Variants in TTC21A observed in about 807,000 individuals in gnomAD.
TTC21A encodes tetratricopeptide repeat domain 21A, also known as tetratricopeptide repeat protein 21A.
In TTC21A, 128 loss-of-function variants were observed where a neutral mutation model predicts 156.4. The observed-to-expected ratio is 0.82, with a 90% confidence interval of 0.71 to 0.95. The LOEUF (loss-of-function observed/expected upper bound fraction) is 0.95, where lower values mean the gene tolerates loss of function less well. Ranked by LOEUF, TTC21A falls within the 40% of genes least tolerant of loss-of-function variation. TTC21A has a pLI of 0.00. For missense variants in TTC21A, 1,435 were observed against 1,602.3 expected (o/e 0.90, Z 1.78); for synonymous variants, 587 against 617.1 (o/e 0.95, Z 0.72).
In TTC21A at chr3:39,129,167, G is replaced by C; in HGVS notation, c.1992G>C (p.Leu664=). 1 of 1,614,234 alleles carries C rather than the reference G, an allele frequency of 6.2e-7. No individual in the cohort carries two copies. The highest frequency in any genetic ancestry group is 8.5e-7 in the Non-Finnish European group (1 of 1,180,050). The part of the protein sequence containing the change: ...RITIANVDLV[L]SKGNVDVALN... ...CCATTGCCAACGTGGACTTGGTCCT[G>C]AGCAAGGGCAATGTGGACGTGGCGC... Residue 664 remains leucine, a synonymous_variant, in exon 15 of 29, where the codon CTG becomes CTC. Transcript: ENST00000683103.
At chr3:39,125,014 G>T in intron 9 of TTC21A, 49 bp from the exon 10 acceptor site, 1 of 1,216,950 alleles carries the variant, frequency 8.2e-7, no homozygotes, top group Non-Finnish European at 1.2e-6. Flanking sequence ...ATGGGCTGCT[G>T]GCTATGCTTC....
chr3:39,138,649 G>A, intron 28 of TTC21A, 26 bp downstream of exon 28: 1 of 1,614,046 alleles, frequency 6.2e-7, no homozygotes, highest in South Asian at 1.1e-5. Context: ...TGGTGGGGAG[G>A]GCCTGGTGTA....
In TTC21A at chr3:39,138,711, G is replaced by A. The variant is rs756766165; in HGVS notation, c.3865G>A (p.Val1289Ile). 2 of 1,614,094 alleles carry A rather than the reference G, an allele frequency of 1.2e-6. No individual in the cohort carries two copies. Among genetic ancestry groups the A allele is most frequent in the South Asian group, 1.1e-5 (1 of 91,078 alleles). ...FVEAIEICND[V>I]LREHPDYPKI... ...CACACCCATTCTCTCTCTGTTCCAG[G>A]TCCTCAGGGAGCACCCCGACTACCC... Residue 1289 changes from valine (V) to isoleucine (I), a missense_variant and splice_region_variant, in exon 29 of 29, where the codon GTC becomes ATC. Physicochemically the swap from Val to Ile is conservative, Grantham distance 29. Transcript: ENST00000683103.
Position 39,129,125 on chromosome 3 carries a change from A to G in TTC21A, c.1950A>G (p.Pro650=). The G allele has an allele frequency of 1.2e-6, 2 of 1,614,256 alleles. No homozygotes were observed. Among genetic ancestry groups the G allele is most frequent in the Non-Finnish European group, 1.7e-6 (2 of 1,180,046 alleles). Residue 650 remains proline (P), a synonymous_variant, in exon 15 of 29, where the codon CCA becomes CCG. Transcript: ENST00000683103. ...QDTINEFGGT[P]EENRITIANV... ...CCATCAATGAGTTCGGTGGCACACC[A>G]GAAGAGAACCGCATCACCATTGCCA... is the stretch of plus-strand genomic sequence containing the variant.
chr3:39,112,006 C>T (rs2036872768), intron 4 of TTC21A, among the ~76,000 whole-genome samples: 1 of 152,204 alleles, frequency 6.6e-6, no homozygotes, highest in African/African-American at 2.4e-5. Context: ...CATTCCTTGG[C>T]TTCCTATGCA....
At chr3:39,124,647 A>G (rs1447265734) in intron 9 of TTC21A, among the ~76,000 whole-genome samples, 1 of 140,808 alleles carries the variant, frequency 7.1e-6, no homozygotes, top group Non-Finnish European at 1.6e-5. Flanking sequence ...CAAAAGAGCG[A>G]AACTCCGTCT....
chr3:39,114,076 C>T (rs1335327307), intron 5 of TTC21A, among the ~76,000 whole-genome samples: 82 of 152,332 alleles, frequency 5.4e-4, no homozygotes, highest in Non-Finnish European at 7.3e-5. Context: ...GCCATGACCA[C>T]AGCCCAATAG....
chr3:39,138,227 G>C (rs1354292011), intron 26 of TTC21A, 40 bp from the exon 27 acceptor site: 30 of 1,612,738 alleles, frequency 1.9e-5, no homozygotes, highest in Non-Finnish European at 2.4e-5. Context: ...ACCAGTTGGG[G>C]CTTCCGCTCT....
chr3:39,134,173 C>A lies in TTC21A; in HGVS notation c.2752-45C>A, dbSNP rs773780782. 7.8e-7 allele frequency: 1 copy of A among 1,289,188 alleles called. No homozygotes were observed. Among genetic ancestry groups the A allele is most frequent in the African/African-American group, 1.5e-5 (1 of 68,410 alleles). The allele number at this position is 1,289,188 out of a possible 1,614,324, so 79.9% of individuals were successfully genotyped here. ...TGTCAAGGATAACCCCAGGGGTTTC[C>A]CATGGTGTTTACTAGTTAGTTTATT... On this transcript the variant is annotated intron_variant, in intron 20 of 28. Transcript: ENST00000683103. This position sits in a 1 kb window ranked among gnomAD's most constrained non-coding sequence, Gnocchi z 4.6.
chr3:39,115,674 A>G (rs2037233663), intron 6 of TTC21A, among the ~76,000 whole-genome samples: 1 of 152,200 alleles, frequency 6.6e-6, no homozygotes, highest in African/African-American at 2.4e-5. Context: ...CTCGAAAAAA[A>G]TAAATAAATA....
intron 6 of TTC21A, among the ~76,000 whole-genome samples, chr3:39,117,336 A>G (rs1559678283): frequency 6.6e-6 from 1 of 152,254 alleles, no homozygotes; most frequent in East Asian, 1.9e-4. Flanking sequence ...TAGTATGTGA[A>G]TTAGACTAAC....
chr3:39,118,430 T>G (rs2037473578), intron 7 of TTC21A: 1 of 523,312 alleles, frequency 1.9e-6, no homozygotes. Context: ...CCCACCTGGA[T>G]AAGCCGCAGG....
At chr3:39,107,926 C>T in intron 1 of TTC21A, 62 bp downstream of exon 1, 3 of 1,593,258 alleles carry the variant, frequency 1.9e-6, no homozygotes, top group Non-Finnish European at 1.7e-6. Context: ...ACCCAGAGAC[C>T]GTCTGCCCTG....
rs2038131913 is a variant in TTC21A, at chr3:39,125,320, TC to T, written c.1192-11del. ...TGACATTGGCACTGAGACTCGGTCC[TC>T]TCTTCCACAGGTGCTAATTTTCCTC... On this transcript the variant is annotated splice_polypyrimidine_tract_variant and intron_variant, in intron 10 of 28. Coordinates refer to ENST00000683103, the MANE Select transcript of TTC21A (RefSeq NM_001366900.1). 2 of 1,612,920 alleles carry T rather than the reference TC, an allele frequency of 1.2e-6. No homozygotes were observed. Among genetic ancestry groups the T allele is most frequent in the African/African-American group, 2.7e-5 (2 of 74,880 alleles).
chr3:39,110,054 C>T lies in TTC21A; in HGVS notation c.183C>T (p.Asp61=). Residue 61 remains aspartate, a synonymous_variant, in exon 3 of 29, where the codon GAC becomes GAT. Transcript: ENST00000683103. ...KEEHIQDAIS[D]LESIRHHPDV... is the part of the protein sequence containing the mutation. ...AGCACATCCAGGATGCCATCAGTGA[C>T]CTGGAAAGCATCAGGCATCACCCAG... is the stretch of plus-strand genomic sequence containing the variant. 6.2e-7 allele frequency: 1 copy of T among 1,614,070 alleles called. No individual in the cohort carries two copies. Among genetic ancestry groups the T allele is most frequent in the South Asian group, 1.1e-5 (1 of 91,072 alleles).
intron 23 of TTC21A, 140 bp downstream of exon 23, chr3:39,136,647 G>T: frequency 8.6e-7 from 1 of 1,162,692 alleles, no homozygotes; most frequent in Non-Finnish European, 1.2e-6. Context: ...GGCCCATGGG[G>T]GCAGGGGTGG....
intron 2 of TTC21A, among the ~76,000 whole-genome samples, chr3:39,109,809 TG>T (rs2036651069): frequency 6.6e-6 from 1 of 152,110 alleles, no homozygotes; most frequent in Non-Finnish European, 1.5e-5. Context: ...ACTCACAGGG[TG>T]AACCTTTCAA....
In TTC21A at chr3:39,134,251, CA is replaced by C. The variant is rs1291584446; in HGVS notation, c.2786del (p.Gln929ArgfsTer27). ...MLELAQLYLLQGHLDLCEQHC... is the reference protein window; with the variant it reads ...MLELAQLYLLXGHLDLCEQHC... ...GGAGCTGGCGCAGCTCTACCTGCTC[CA>C]GGGGCACCTGGACCTGTGTGAGCAG... is the stretch of plus-strand genomic sequence containing the variant. On this transcript the variant is annotated frameshift_variant, in exon 21 of 29. Coordinates refer to ENST00000683103, the MANE Select transcript of TTC21A (RefSeq NM_001366900.1). LOFTEE classifies it high-confidence loss of function. This position sits in a 1 kb window ranked among gnomAD's most constrained non-coding sequence, Gnocchi z 4.6. The C allele has an allele frequency of 2.5e-6, 4 of 1,613,848 alleles. No individual in the cohort carries two copies. The African/African-American group carries it at 5.3e-5, about 22-fold the overall frequency.
rs1176529238 is a variant in TTC21A at position 39,134,648 on chromosome 3, T to C, written c.2862+320T>C. The C allele has an allele frequency of 1.6e-5, 8 of 492,602 alleles. No homozygotes were observed. Among genetic ancestry groups the C allele is most frequent in the Non-Finnish European group, 3.0e-5 (8 of 267,984 alleles). 30.5% of individuals were successfully genotyped at this position (492,602 alleles called of 1,614,324 possible). On this transcript the variant is annotated intron_variant, in intron 21 of 28. Transcript: ENST00000683103. The surrounding 1 kb of genome is among the most constrained non-coding windows in gnomAD (Gnocchi z 4.6). ...GTTCCTGGGGCTTCAGGAAAAGCCC[T>C]CCTCGGTCCTGCCTCTCTCTTCCCT...
Sources: gnomAD v4.1 joint callset for allele counts (sites outside exome capture counted in the v4.1 genomes callset) on GRCh38, gnomAD v4.1.1 for gene constraint, Gnocchi (gnomAD v3.1) non-coding constraint, MANE v1.5 for transcripts, NCBI Gene and HGNC (gene_info 2026-07-23, HGNC 2026-07-21) for gene names.